The following CDH11 variants were observed in gnomAD, a reference collection of about 807,000 sequenced individuals.
CDH11 encodes the protein cadherin 11.
In CDH11, 11 loss-of-function variants were observed where a neutral mutation model predicts 67.8. The ratio of observed to expected loss-of-function variants is 0.16; its 90% confidence interval spans 0.10 to 0.27. CDH11 has a LOEUF of 0.27. Ranked by LOEUF, CDH11 falls within the 10% of genes least tolerant of loss-of-function variation. The pLI, the probability that CDH11 is intolerant of heterozygous loss-of-function variation, is 1.00. For missense variants in CDH11, 847 were observed against 1,031.2 expected (o/e 0.82, Z 2.45); for synonymous variants, 419 against 400.0 (o/e 1.05, Z -0.57).
intron 1 of CDH11, among the ~76,000 whole-genome samples, chr16:65,101,223 C>A (rs1046699250): frequency 6.6e-6 from 1 of 152,146 alleles, no homozygotes; most frequent in African/African-American, 2.4e-5. Flanking sequence ...TCTCCTAATC[C>A]ATCATTGCTG....
chr16:64,961,600 A>C (rs918167939), intron 11 of CDH11, among the ~76,000 whole-genome samples: 1 of 152,136 alleles, frequency 6.6e-6, no homozygotes, highest in Admixed American at 6.5e-5. Flanking sequence ...TATATATCAA[A>C]TATTCAGATA....
At chr16:65,088,554 AAACTTTTCAGTTGTATGAATG>A (rs1367315278) in intron 1 of CDH11, among the ~76,000 whole-genome samples, 1 of 152,240 alleles carries the variant, frequency 6.6e-6, no homozygotes, top group Non-Finnish European at 1.5e-5. Context: ...AAAACATCTT[AAACTTTTCAGTTGTATGAATG>A]AACTGTTACT....
intron 8 of CDH11, among the ~76,000 whole-genome samples, chr16:64,977,722 A>T (rs1164193561): frequency 6.6e-6 from 1 of 152,178 alleles, no homozygotes; most frequent in Non-Finnish European, 1.5e-5. Context: ...TTCAATACTG[A>T]CTGTCCACGT....
At chr16:65,046,297 G>T (rs554423084) in intron 2 of CDH11, among the ~76,000 whole-genome samples, 328 of 152,312 alleles carry the variant, frequency 2.2e-3, no homozygotes, top group South Asian at 6.6e-3. Flanking sequence ...GGACCACAGG[G>T]CCCGGAAGGC....
chr16:65,013,786 C>A (rs2073232755), intron 2 of CDH11, among the ~76,000 whole-genome samples: 1 of 151,284 alleles, frequency 6.6e-6, no homozygotes, highest in Admixed American at 6.6e-5. Context: ...AAGATCGCAC[C>A]ACTGCACTTC....
At chr16:65,004,294 G>A (rs1404717512) in intron 3 of CDH11, among the ~76,000 whole-genome samples, 1 of 152,114 alleles carries the variant, frequency 6.6e-6, no homozygotes, top group Non-Finnish European at 1.5e-5. Context: ...GATCCCTTGA[G>A]CCCAGGAGTT....
chr16:64,982,541 A>G (rs1398590608), intron 7 of CDH11: 1 of 478,986 alleles, frequency 2.1e-6, no homozygotes, highest in Non-Finnish European at 3.7e-6. Context: ...CACGTCATCT[A>G]AAATGAAACT....
chr16:65,041,716 G>C (rs554480984), intron 2 of CDH11, among the ~76,000 whole-genome samples: 1 of 152,326 alleles, frequency 6.6e-6, no homozygotes, highest in South Asian at 2.1e-4. Flanking sequence ...CTCCGCGTTT[G>C]CTTGAGTGAA....
chr16:65,010,205 C>G (rs1458842956), intron 2 of CDH11, among the ~76,000 whole-genome samples: 1 of 152,108 alleles, frequency 6.6e-6, no homozygotes, highest in South Asian at 2.1e-4. Flanking sequence ...CACACCAGAG[C>G]TCAAAACCCC....
Position 65,121,817 on chromosome 16 carries a change from T to C in CDH11, c.-298+63A>G. 1.5e-6 allele frequency: 1 copy of C among 679,072 alleles called. No individual in the cohort carries two copies. The highest frequency in any genetic ancestry group is 2.8e-5 in the East Asian group (1 of 35,564). The allele number at this position is 679,072 out of a possible 1,614,324, so 42.1% of individuals were successfully genotyped here. ...CCAAGACATTCTCTTCCTGAGAAAA[T>C]CCTGCCCCCCATTCCAAGAAGCCCC... On this transcript the variant is annotated intron_variant, in intron 1 of 12. Coordinates refer to ENST00000268603, the MANE Select transcript of CDH11 (RefSeq NM_001797.4). The surrounding 1 kb of genome is among the most constrained non-coding windows in gnomAD (Gnocchi z 4.1).
At chr16:65,050,889 C>G (rs984634455) in intron 2 of CDH11, among the ~76,000 whole-genome samples, 1 of 151,984 alleles carries the variant, frequency 6.6e-6, no homozygotes. Context: ...ACACCTCATT[C>G]TAATTGCCCC....
At chr16:64,953,370 G>A (rs1597008558) in intron 11 of CDH11, among the ~76,000 whole-genome samples, 1 of 151,720 alleles carries the variant, frequency 6.6e-6, no homozygotes, top group Non-Finnish European at 1.5e-5. Context: ...CAGATGGTGA[G>A]GTTTTGTACT....
At chr16:64,954,935 C>T (rs1230949834) in intron 11 of CDH11, among the ~76,000 whole-genome samples, 1 of 130,252 alleles carries the variant, frequency 7.7e-6, no homozygotes, top group Non-Finnish European at 1.6e-5. Context: ...AAAACCCTCT[C>T]TCTACTAAAA....
intron 2 of CDH11, among the ~76,000 whole-genome samples, chr16:65,023,308 G>A (rs751188849): frequency 1.3e-5 from 2 of 152,156 alleles, no homozygotes; most frequent in Non-Finnish European, 2.9e-5. Context: ...TGGACAAAGG[G>A]AGACTCACCC....
chr16:65,080,193 T>C (rs915006808), intron 1 of CDH11, among the ~76,000 whole-genome samples: 2 of 152,124 alleles, frequency 1.3e-5, no homozygotes, highest in African/African-American at 4.8e-5. Context: ...GCATAATTGC[T>C]TGTCCGATGT....
intron 1 of CDH11, among the ~76,000 whole-genome samples, chr16:65,096,564 A>G (rs1029238104): frequency 1.3e-5 from 2 of 151,194 alleles, no homozygotes; most frequent in Non-Finnish European, 2.9e-5. Flanking sequence ...AAATATATAT[A>G]CACACATATA....
chr16:65,083,801 G>C (rs1306610760), intron 1 of CDH11, among the ~76,000 whole-genome samples: 1 of 152,198 alleles, frequency 6.6e-6, no homozygotes, highest in Non-Finnish European at 1.5e-5. Context: ...CTAGGAAGTA[G>C]TCTTAGCAAT....
intron 7 of CDH11, chr16:64,987,220 T>C (rs1175217701): frequency 6.6e-6 from 1 of 152,222 alleles, no homozygotes; most frequent in East Asian, 1.9e-4. Flanking sequence ...ACGGGAATTA[T>C]TTCTTCACTT....
At chr16:64,993,166 G>A (rs1043027990) in intron 4 of CDH11, 132 bp from the exon 5 acceptor site, 1 of 676,230 alleles carries the variant, frequency 1.5e-6, no homozygotes, top group African/African-American at 1.8e-5. Flanking sequence ...CATTTTCCTG[G>A]AGTTGAGATG....
Sources: allele counts gnomAD v4.1 joint callset (sites outside exome capture counted in the v4.1 genomes callset), GRCh38; gene constraint gnomAD v4.1.1; non-coding constraint Gnocchi (gnomAD v3.1); transcripts MANE v1.5; gene names NCBI Gene and HGNC (gene_info 2026-07-23, HGNC 2026-07-21).